Variants in ZNF333 observed in about 807,000 individuals in gnomAD.
The protein encoded by ZNF333 is zinc finger protein 333.
ZNF333 carries 61 observed loss-of-function variants against 76.1 expected under a neutral mutation model. That is an observed-to-expected ratio of 0.80 (90% CI 0.65 to 0.99). The LOEUF (loss-of-function observed/expected upper bound fraction) is 0.99. Ranked by LOEUF, ZNF333 falls within the 50% of genes least tolerant of loss-of-function variation. The pLI, the probability that ZNF333 is intolerant of heterozygous loss-of-function variation, is 0.00. For synonymous variants in ZNF333, 284 were observed against 305.0 expected, an observed-to-expected ratio of 0.93 and a Z score of 0.72; for missense variants, 717 against 822.4, an observed-to-expected ratio of 0.87 and a Z score of 1.57.
At chr19:14,731,867 A>G (rs1300682027) in exon 12 of ZNF333, 1 of 152,218 alleles carries the variant, frequency 6.6e-6, no homozygotes. Context: ...ATAAATTTAA[A>G]AAGTGAAGAT....
chr19:14,729,795 A>G lies in ZNF333; in HGVS notation c.901-1380A>G, dbSNP rs973511088. Among the ~76,000 whole-genome samples, 5 of 152,224 alleles carry G rather than the reference A, an allele frequency of 3.3e-5. No homozygotes were observed. In the South Asian group the frequency reaches 8.3e-4, roughly 25 times the overall value. ...GTTCTCACCACCAAATAATAACTATATGAGACGAGGCATACATTAATTTGC... is the reference window on the plus strand; with the variant it reads ...GTTCTCACCACCAAATAATAACTATGTGAGACGAGGCATACATTAATTTGC... On this transcript the variant is annotated intron_variant, in intron 11 of 11. Coordinates refer to the ZNF333 transcript ENST00000540689.
At chr19:14,690,416 CAG>C (rs1050334606) in intron 1 of ZNF333, among the ~76,000 whole-genome samples, 3 of 152,206 alleles carry the variant, frequency 2.0e-5, no homozygotes, top group Non-Finnish European at 4.4e-5. Context: ...TCCCACAGCT[CAG>C]AAATGTGGTG....
In ZNF333 at chr19:14,718,137, A is replaced by G. The variant is rs1376259691; in HGVS notation, c.901-91A>G. 26 of 1,494,646 alleles carry G rather than the reference A, an allele frequency of 1.7e-5. No individual in the cohort carries two copies. In the East Asian group the frequency reaches 5.4e-4, roughly 31 times the overall value. The allele number at this position is 1,494,646 out of a possible 1,614,324, so 92.6% of individuals were successfully genotyped here. A position where few individuals can be genotyped will look rare whatever the true frequency, so the allele number is the denominator to read the frequency against. ...TAAATGGTAAAAGTATCAGATATAG[A>G]ACTGTCTTTTTCTTACATTCATTTC... On this transcript the variant is annotated intron_variant, in intron 11 of 11. Coordinates refer to ENST00000292530, the MANE Select transcript of ZNF333 (RefSeq NM_032433.4).
At chr19:14,699,111 T>C (rs1973493226) in intron 4 of ZNF333, 88 bp from the exon 5 acceptor site, 1 of 1,005,396 alleles carries the variant, frequency 9.9e-7, no homozygotes, top group South Asian at 1.3e-5. Flanking sequence ...TGTGTATATA[T>C]ATTCACATAT....
At chr19:14,717,807 C>T in intron 11 of ZNF333, 74 bp downstream of exon 11, 1 of 1,471,350 alleles carries the variant, frequency 6.8e-7, no homozygotes, top group South Asian at 1.2e-5. Flanking sequence ...GTTAGAAAAG[C>T]AGCCCAAGAG....
chr19:14,703,816 A>C (rs1033286815), intron 5 of ZNF333, among the ~76,000 whole-genome samples: 4 of 152,186 alleles, frequency 2.6e-5, no homozygotes, highest in Non-Finnish European at 5.9e-5. Context: ...CTGGTACGGC[A>C]TGTGGGCTGT....
At chr19:14,704,859 C>T (rs1253484080) in intron 5 of ZNF333, among the ~76,000 whole-genome samples, 195 bp from the exon 6 acceptor site, 3 of 152,206 alleles carry the variant, frequency 2.0e-5, no homozygotes, top group African/African-American at 7.2e-5. Flanking sequence ...GGCCAGGCTG[C>T]TCTTGAACTC....
rs770968641 is a variant in ZNF333, at chr19:14,716,068, G to GT, written c.601-43dup. ...GCCTCCAGCATCCTCTGGCGTACTG[G>GT]TGGGGGTGGTCCCTGGCTGAGCCGG... is the stretch of plus-strand genomic sequence containing the variant. On this transcript the variant is annotated intron_variant, in intron 8 of 11. Coordinates refer to ENST00000292530, the MANE Select transcript of ZNF333 (RefSeq NM_032433.4). The GT allele has an allele frequency of 2.5e-6, 4 of 1,612,130 alleles. No homozygotes were observed. In the African/African-American group the frequency reaches 5.3e-5, roughly 22 times the overall value.
intron 4 of ZNF333, among the ~76,000 whole-genome samples, chr19:14,696,563 G>A (rs1016099261): frequency 2.6e-5 from 4 of 151,980 alleles, no homozygotes; most frequent in African/African-American, 7.3e-5. Flanking sequence ...CTAAGGCTGA[G>A]GGGCTGCATC....
At chr19:14,733,219 T>C (rs1192045231) in exon 12 of ZNF333, 5 of 152,214 alleles carry the variant, frequency 3.3e-5, no homozygotes, top group African/African-American at 1.2e-4. Flanking sequence ...TTGAGGGTAC[T>C]GACTGGCAGA....
At chr19:14,694,181 T>G (rs1397201648) in intron 2 of ZNF333, among the ~76,000 whole-genome samples, 1 of 151,896 alleles carries the variant, frequency 6.6e-6, no homozygotes, top group Non-Finnish European at 1.5e-5. Flanking sequence ...TTAAAAGGAT[T>G]CTCAGATGAG....
chr19:14,728,599 T>G (rs2042648400), intron 11 of ZNF333, among the ~76,000 whole-genome samples: 1 of 152,230 alleles, frequency 6.6e-6, no homozygotes, highest in Admixed American at 6.5e-5. Flanking sequence ...CAACAGTTAC[T>G]GCATCAAACT....
chr19:14,703,502 C>T (rs1245852931), intron 5 of ZNF333, among the ~76,000 whole-genome samples: 4 of 152,098 alleles, frequency 2.6e-5, no homozygotes, highest in South Asian at 2.1e-4. Context: ...AAAATGTACC[C>T]GTGGGATTTT....
At chr19:14,717,428 AC>A (rs1253851538) in intron 10 of ZNF333, 5 of 561,744 alleles carry the variant, frequency 8.9e-6, no homozygotes, top group Non-Finnish European at 1.6e-5. Context: ...TAAATTACCT[AC>A]TATTTCCTTC....
At chr19:14,729,259 G>A (rs1364332319) in intron 11 of ZNF333, among the ~76,000 whole-genome samples, 1 of 152,166 alleles carries the variant, frequency 6.6e-6, no homozygotes, top group East Asian at 1.9e-4. Flanking sequence ...ATTCTTTGCT[G>A]TAGGAACTGC....
chr19:14,721,149 C>A lies in ZNF333; in HGVS notation c.*1824C>A. 3.9e-6 allele frequency: 1 copy of A among 255,430 alleles called. No homozygotes were observed. Among genetic ancestry groups the A allele is most frequent in the Non-Finnish European group, 6.1e-6 (1 of 162,900 alleles). 15.8% of individuals were successfully genotyped at this position (255,430 alleles called of 1,614,324 possible). A position where few individuals can be genotyped will look rare whatever the true frequency, so the allele number is the denominator to read the frequency against. On this transcript the variant is annotated 3_prime_UTR_variant, in exon 12 of 12. Coordinates refer to ENST00000292530, the MANE Select transcript of ZNF333 (RefSeq NM_032433.4). ...ACTTTGAGGTATGTACTGTTATCCC[C>A]AATTCCCAGATGAGGAAGCTGAGGC...
chr19:14,723,283 GTCTTA>G (rs1031698471), downstream of ZNF333, among the ~76,000 whole-genome samples: 6 of 152,108 alleles, frequency 3.9e-5, no homozygotes, highest in African/African-American at 1.2e-4. Flanking sequence ...TGGTCTATAT[GTCTTA>G]TCTTTATGCC....
chr19:14,727,847 A>G (rs2042643308), intron 11 of ZNF333, among the ~76,000 whole-genome samples: 1 of 152,226 alleles, frequency 6.6e-6, no homozygotes, highest in Admixed American at 6.5e-5. Flanking sequence ...GCTTATGTAT[A>G]CATGCATGCA....
At chr19:14,690,814 C>T (rs1211383485) in intron 1 of ZNF333, among the ~76,000 whole-genome samples, 2 of 151,976 alleles carry the variant, frequency 1.3e-5, no homozygotes, top group African/African-American at 4.8e-5. Flanking sequence ...AGCTTTTGGC[C>T]AGGCTTGGTG....
Sources: gnomAD v4.1 joint callset for allele counts (sites outside exome capture counted in the v4.1 genomes callset) on GRCh38, gnomAD v4.1.1 for gene constraint, MANE v1.5 for transcripts, NCBI Gene and HGNC (gene_info 2026-07-23, HGNC 2026-07-21) for gene names.